The following SFXN1 variants were observed in gnomAD, a reference collection of about 807,000 sequenced individuals.
SFXN1 encodes the protein sideroflexin-1.
Under a neutral mutation model 39.5 loss-of-function variants are expected in SFXN1, and 32 were observed. The observed-to-expected ratio is 0.81, with a 90% CI of 0.61 to 1.09. SFXN1 has a LOEUF of 1.09. SFXN1 is among the 50% of genes least tolerant of loss of function. The probability of loss-of-function intolerance (pLI) is 0.00; values close to 1 mark genes in which losing one functional copy is unlikely to be tolerated. For synonymous variants in SFXN1, 136 were observed against 146.5 expected (o/e 0.93, Z 0.52); for missense variants, 402 against 407.1 (o/e 0.99, Z 0.11).
At chr5:175,500,157 C>T (rs1044475738) in intron 2 of SFXN1, among the ~76,000 whole-genome samples, 1 of 152,014 alleles carries the variant, frequency 6.6e-6, no homozygotes, top group Non-Finnish European at 1.5e-5. Flanking sequence ...CATTGTACTC[C>T]AGCCTGGGTG....
chr5:175,492,843 G>A (rs1003144495), intron 2 of SFXN1, among the ~76,000 whole-genome samples: 5 of 152,122 alleles, frequency 3.3e-5, no homozygotes, highest in Admixed American at 1.3e-4. Context: ...GGCAGCAGTT[G>A]GCCACTTTTT....
intron 1 of SFXN1, among the ~76,000 whole-genome samples, chr5:175,490,421 T>C (rs267377): frequency 0.65 from 99,510 of 152,074 alleles, 33,106 homozygotes; most frequent in African/African-American, 0.75. Context: ...AGACCTAACA[T>C]GCTCAGTTTT....
At chr5:175,478,781 C>T (rs1759116519) in intron 1 of SFXN1, 142 bp downstream of exon 1, 1 of 151,846 alleles carries the variant, frequency 6.6e-6, no homozygotes, top group Non-Finnish European at 1.5e-5. Context: ...GTCGGAAGCC[C>T]CTTTGCGGGC....
At chr5:175,524,157 T>A (rs1760986918) in intron 10 of SFXN1, 2 of 91,004 alleles carry the variant, frequency 2.2e-5, no homozygotes, top group African/African-American at 7.9e-5. Flanking sequence ...TATATATATA[T>A]ATATATATAT....
At chr5:175,511,839 G>A (rs1053830092) in intron 5 of SFXN1, among the ~76,000 whole-genome samples, 1 of 128,978 alleles carries the variant, frequency 7.8e-6, no homozygotes, top group African/African-American at 3.4e-5. Flanking sequence ...AGAGGCAAGA[G>A]CATCTCTCTC....
At chr5:175,485,443 G>T (rs1759414409) in intron 1 of SFXN1, among the ~76,000 whole-genome samples, 1 of 152,108 alleles carries the variant, frequency 6.6e-6, no homozygotes, top group Non-Finnish European at 1.5e-5. Context: ...TCCAACCTCT[G>T]CTTGTTCCCA....
intron 8 of SFXN1, among the ~76,000 whole-genome samples, chr5:175,520,646 T>G (rs1192869422): frequency 1.3e-5 from 2 of 152,116 alleles, no homozygotes; most frequent in Non-Finnish European, 2.9e-5. Context: ...TTAGCCCAGT[T>G]TGCTGCAGAC....
intron 2 of SFXN1, among the ~76,000 whole-genome samples, chr5:175,507,939 C>T (rs945437501): frequency 6.7e-6 from 1 of 148,558 alleles, no homozygotes; most frequent in African/African-American, 2.5e-5. Flanking sequence ...TGCCATTGCA[C>T]TCCAGCCTGG....
chr5:175,478,931 C>T (rs1759128568), intron 1 of SFXN1, among the ~76,000 whole-genome samples: 1 of 152,130 alleles, frequency 6.6e-6, no homozygotes, highest in African/African-American at 2.4e-5. Flanking sequence ...CCCTCCGCCG[C>T]GTCCCCGCGC....
At chr5:175,516,783 T>TA in intron 8 of SFXN1, 120 bp downstream of exon 8, 1 of 907,218 alleles carries the variant, frequency 1.1e-6, no homozygotes, top group South Asian at 2.0e-5. Context: ...CCTGGGCTCT[T>TA]ACGTAAATAA....
rs198039 is a variant in SFXN1 at position 175,526,740 on chromosome 5, G to A, written c.*6G>A. 264,764 of 1,609,326 alleles carry A rather than the reference G, an allele frequency of 0.16. 26,664 individuals are homozygous for A. The highest frequency in any genetic ancestry group is 0.41 in the African/African-American group (30,603 of 74,916). On this transcript the variant is annotated 3_prime_UTR_variant, in exon 11 of 11. Transcript: ENST00000321442. ...ACTTCAATAAGGGATTGTAAAGCAG[G>A]GAGGAAACCTCTGCAGCTCATTCTG...
intron 1 of SFXN1, among the ~76,000 whole-genome samples, chr5:175,484,636 A>G (rs1175646420): frequency 6.6e-6 from 1 of 152,276 alleles, no homozygotes; most frequent in African/African-American, 2.4e-5. Flanking sequence ...GACTCTAGAC[A>G]CAAAATGGAG....
rs575646225 is a variant in SFXN1, at chr5:175,493,269, A to G, written c.164+1002A>G. Among the ~76,000 whole-genome samples, 10 of 152,236 alleles carry G rather than the reference A, an allele frequency of 6.6e-5. No individual in the cohort carries two copies. The East Asian group carries it at 1.9e-3, about 30-fold the overall frequency. ...AGCGAAACTCCATCTAAAAAAAAAA[A>G]AAGATGTAAAAACCACTCTTACCTG... On this transcript the variant is annotated intron_variant, in intron 2 of 10. Coordinates refer to ENST00000321442, the MANE Select transcript of SFXN1 (RefSeq NM_022754.7).
chr5:175,512,017 T>G, intron 5 of SFXN1, 94 bp from the exon 6 acceptor site: 1 of 1,179,046 alleles, frequency 8.5e-7, no homozygotes, highest in South Asian at 1.4e-5. Context: ...AATGGGACTC[T>G]GCATTTTTCA....
chr5:175,506,693 G>A (rs1760315069), intron 2 of SFXN1, among the ~76,000 whole-genome samples: 1 of 151,770 alleles, frequency 6.6e-6, no homozygotes, highest in Admixed American at 6.6e-5. Flanking sequence ...TTGAGACAGA[G>A]TCTCACTCTG....
chr5:175,504,199 A>G (rs1581294446), intron 2 of SFXN1, among the ~76,000 whole-genome samples: 1 of 152,266 alleles, frequency 6.6e-6, no homozygotes, highest in East Asian at 1.9e-4. Context: ...AAAGTCCAGG[A>G]GTGAAAATAA....
chr5:175,494,984 A>T (rs1416929032), intron 2 of SFXN1, among the ~76,000 whole-genome samples: 1 of 152,222 alleles, frequency 6.6e-6, no homozygotes. Context: ...AGATCCTTGT[A>T]CACTCATGTA....
At chr5:175,505,536 A>T (rs2254597) in intron 2 of SFXN1, among the ~76,000 whole-genome samples, 37,450 of 134,450 alleles carry the variant, frequency 0.28, 6,476 homozygotes, top group African/African-American at 0.52. Context: ...CAACTCCATC[A>T]CAATAATAAT....
intron 10 of SFXN1, chr5:175,524,158 A>G (rs1310327618): frequency 1.8e-5 from 2 of 110,854 alleles, no homozygotes; most frequent in East Asian, 5.1e-4. Flanking sequence ...ATATATATAT[A>G]TATATATATA....
Sources: allele counts gnomAD v4.1 joint callset (sites outside exome capture counted in the v4.1 genomes callset), GRCh38; gene constraint gnomAD v4.1.1; transcripts MANE v1.5; gene names NCBI Gene and HGNC (gene_info 2026-07-23, HGNC 2026-07-21).